RTL4: variants seen among roughly 807,000 people sequenced by gnomAD.
RTL4 encodes the protein retrotransposon Gag like 4, also known as retrotransposon Gag-like protein 4.
A neutral mutation model predicts 5.3 loss-of-function variants in RTL4; 4 were observed. That is an observed-to-expected ratio of 0.75 (90% CI 0.37 to 1.72). The LOEUF is 1.72. RTL4 is among the 40% of genes most tolerant of loss of function. RTL4 has a pLI of 0.04. For missense variants in RTL4, 260 were observed against 227.1 expected, an observed-to-expected ratio of 1.14 and a Z score of -0.93; for synonymous variants, 98 against 87.3, an observed-to-expected ratio of 1.12 and a Z score of -0.68.
At chrX:112,165,495 C>T in the RTL4 span, among the ~76,000 whole-genome samples, 1 of 111,436 alleles carries the variant, frequency 9.0e-6, no homozygotes, top group Admixed American at 9.5e-5. Context: ...GAATAATTGA[C>T]TCCAATCAGC....
At chrX:112,368,069 G>A in the RTL4 span, among the ~76,000 whole-genome samples, 11 of 111,724 alleles carry the variant, frequency 9.8e-5, no homozygotes, top group South Asian at 4.1e-3. Flanking sequence ...CCATTGAAGG[G>A]TATAAACTTA....
chrX:112,299,377 G>A, the RTL4 span, among the ~76,000 whole-genome samples: 1 of 112,394 alleles, frequency 8.9e-6, no homozygotes, highest in Non-Finnish European at 1.9e-5. Context: ...TTTTAACTAT[G>A]GAGCCACAAT....
the RTL4 span, among the ~76,000 whole-genome samples, chrX:112,378,162 C>T: frequency 9.0e-6 from 1 of 111,381 alleles, no homozygotes; most frequent in African/African-American, 3.3e-5. Context: ...TGCACCTCCC[C>T]CTCAGCCCAC....
the RTL4 span, among the ~76,000 whole-genome samples, chrX:112,325,859 C>G: frequency 8.9e-6 from 1 of 112,041 alleles, no homozygotes; most frequent in African/African-American, 3.2e-5. Flanking sequence ...TCAGAGTGAA[C>G]ACGCAACCTA....
At chrX:112,320,361 G>A in the RTL4 span, 43 of 109,218 alleles carry the variant, frequency 3.9e-4, no homozygotes, top group African/African-American at 1.4e-3. Flanking sequence ...TTGGGTTTTG[G>A]TATGGGTTCT....
chrX:112,168,955 CTT>C, the RTL4 span, among the ~76,000 whole-genome samples: 1 of 104,689 alleles, frequency 9.6e-6, no homozygotes, highest in African/African-American at 3.5e-5. Flanking sequence ...TTCTTTCTTT[CTT>C]TCTTTCTTTT....
At chrX:112,161,775 G>A in the RTL4 span, among the ~76,000 whole-genome samples, 1 of 109,566 alleles carries the variant, frequency 9.1e-6, no homozygotes, top group Non-Finnish European at 1.9e-5. Flanking sequence ...CCTTGGGCTT[G>A]CCAGGTTGCT....
At chrX:112,177,310 C>T in the RTL4 span, among the ~76,000 whole-genome samples, 271 of 111,126 alleles carry the variant, frequency 2.4e-3, 3 homozygotes, top group African/African-American at 8.3e-3. Flanking sequence ...ATAAGTGTTC[C>T]CTTTTCTCTG....
chrX:112,289,154 A>G, the RTL4 span, among the ~76,000 whole-genome samples: 10 of 112,302 alleles, frequency 8.9e-5, no homozygotes, highest in African/African-American at 2.9e-4. Context: ...TAAAAAGCTT[A>G]CAGGCTGGAT....
At chrX:112,333,378 C>T in the RTL4 span, among the ~76,000 whole-genome samples, 1 of 111,014 alleles carries the variant, frequency 9.0e-6, no homozygotes, top group African/African-American at 3.3e-5. Context: ...ATTAGGTCCT[C>T]TTAGCATGCA....
chrX:112,441,700 T>C, the RTL4 span, among the ~76,000 whole-genome samples: 2 of 112,236 alleles, frequency 1.8e-5, no homozygotes, highest in Non-Finnish European at 3.8e-5. Flanking sequence ...ATGATTGTGG[T>C]AATTATTTCA....
the RTL4 span, among the ~76,000 whole-genome samples, chrX:112,230,974 T>C: frequency 9.0e-6 from 1 of 111,021 alleles, no homozygotes; most frequent in African/African-American, 3.3e-5. Context: ...CATGAAAAAA[T>C]GCTCATCATC....
the RTL4 span, among the ~76,000 whole-genome samples, chrX:112,084,138 C>T: frequency 1.6e-4 from 18 of 111,305 alleles, no homozygotes; most frequent in African/African-American, 5.6e-4. Flanking sequence ...CCAGAATCAT[C>T]TCCCTTGCCT....
At chrX:112,312,944 G>T in the RTL4 span, among the ~76,000 whole-genome samples, 3 of 110,862 alleles carry the variant, frequency 2.7e-5, no homozygotes, top group African/African-American at 9.8e-5. Context: ...CATCAAAAAG[G>T]AGGATTAGTA....
chrX:112,285,906 A>G, the RTL4 span, among the ~76,000 whole-genome samples: 3 of 111,640 alleles, frequency 2.7e-5, no homozygotes, highest in Non-Finnish European at 5.6e-5. Flanking sequence ...GGTACCAAAC[A>G]CTATTCTTGG....
the RTL4 span, among the ~76,000 whole-genome samples, chrX:112,437,403 A>G: frequency 8.9e-6 from 1 of 112,004 alleles, no homozygotes; most frequent in Non-Finnish European, 1.9e-5. Context: ...TTTCAATATC[A>G]CTAAGATAAA....
the RTL4 span, among the ~76,000 whole-genome samples, chrX:112,122,158 T>C: frequency 4.5e-5 from 5 of 111,630 alleles, no homozygotes; most frequent in South Asian, 1.9e-3. Flanking sequence ...CTGTTCATAA[T>C]AGCCAAAGTA....
At chrX:112,178,907 A>G in the RTL4 span, among the ~76,000 whole-genome samples, 2 of 112,124 alleles carry the variant, frequency 1.8e-5, no homozygotes, top group African/African-American at 6.5e-5. Context: ...TGAATTGTCA[A>G]TTTAAAAAAA....
the RTL4 span, among the ~76,000 whole-genome samples, chrX:112,419,259 G>A: frequency 3.2e-5 from 3 of 92,501 alleles, no homozygotes; most frequent in Non-Finnish European, 6.2e-5. Flanking sequence ...TCTATAGAGA[G>A]ATACATAGGG....
Sources: allele counts gnomAD v4.1 joint callset (sites outside exome capture counted in the v4.1 genomes callset), GRCh38; gene constraint gnomAD v4.1.1; transcripts MANE v1.5; gene names NCBI Gene and HGNC (gene_info 2026-07-23, HGNC 2026-07-21).